The following PRKAG2 variants were observed in gnomAD, a reference collection of about 807,000 sequenced individuals.
PRKAG2 encodes the protein 5'-AMP-activated protein kinase subunit gamma-2.
Under a neutral mutation model 69.6 loss-of-function variants are expected in PRKAG2, and 26 were observed. The observed-to-expected ratio is 0.37, with a 90% confidence interval of 0.27 to 0.52. The LOEUF (loss-of-function observed/expected upper bound fraction) is 0.52. PRKAG2 is among the 20% of genes least tolerant of loss of function. The pLI is 0.90. For missense variants in PRKAG2, 557 were observed against 740.0 expected (o/e 0.75, Z 2.87); for synonymous variants, 293 against 285.0 (o/e 1.03, Z -0.28).
chr7:151,725,514 T>C (rs950038082), intron 3 of PRKAG2, among the ~76,000 whole-genome samples: 1 of 148,692 alleles, frequency 6.7e-6, no homozygotes, highest in Non-Finnish European at 1.5e-5. Context: ...CACCTAAAGA[T>C]GGGTACATTG....
At chr7:151,588,516 C>T (rs976361567) in intron 6 of PRKAG2, among the ~76,000 whole-genome samples, 3 of 149,508 alleles carry the variant, frequency 2.0e-5, no homozygotes, top group African/African-American at 7.4e-5. Flanking sequence ...GTACCCAACA[C>T]CAAGCCCAGC....
At chr7:151,647,278 C>T (rs1352201380) in intron 4 of PRKAG2, among the ~76,000 whole-genome samples, 1 of 152,186 alleles carries the variant, frequency 6.6e-6, no homozygotes, top group Non-Finnish European at 1.5e-5. Flanking sequence ...AATAGATGTC[C>T]TTATCCTTCA....
chr7:151,794,445 G>T (rs2077399066), intron 1 of PRKAG2, among the ~76,000 whole-genome samples: 1 of 152,264 alleles, frequency 6.6e-6, no homozygotes, highest in African/African-American at 2.4e-5. Flanking sequence ...TCACGGGCTG[G>T]TGGGAAACGA....
intron 1 of PRKAG2, among the ~76,000 whole-genome samples, chr7:151,801,492 C>A (rs145878551): frequency 3.9e-5 from 6 of 152,172 alleles, no homozygotes; most frequent in Admixed American, 3.3e-4. Context: ...AGGCACCAGG[C>A]AGCCTCAGAA....
intron 1 of PRKAG2, among the ~76,000 whole-genome samples, chr7:151,849,573 G>C (rs945204939): frequency 1.3e-5 from 2 of 152,162 alleles, no homozygotes; most frequent in South Asian, 4.1e-4. Flanking sequence ...TCAGAGTTCT[G>C]CAGGCCTGAA....
rs1201116008 is a variant in PRKAG2 at position 151,836,174 on chromosome 7, T to C, written c.114+40333A>G. Among the ~76,000 whole-genome samples the C allele has an allele frequency of 6.6e-6, 1 of 152,222 alleles. No homozygotes were observed. The highest frequency in any genetic ancestry group is 1.5e-5 in the Non-Finnish European group (1 of 68,034). On this transcript the variant is annotated intron_variant, in intron 1 of 15. Transcript: ENST00000287878. The surrounding 1 kb of genome is among the most constrained non-coding windows in gnomAD (Gnocchi z 4.1). Reference sequence around the variant, plus strand: ...CGTGTCTTTGGAGCATTCCTTCCCCTATAGCATGATTTCTCTTTTATGTTT... The same window carrying C: ...CGTGTCTTTGGAGCATTCCTTCCCCCATAGCATGATTTCTCTTTTATGTTT...
chr7:151,721,425 C>T (rs112223039), intron 3 of PRKAG2, among the ~76,000 whole-genome samples: 61 of 144,156 alleles, frequency 4.2e-4, no homozygotes, highest in Admixed American at 2.8e-3. Context: ...GCCAGCACAG[C>T]GCTATGGGGC....
At chr7:151,755,024 G>C (rs1443578984) in intron 3 of PRKAG2, among the ~76,000 whole-genome samples, 1 of 152,130 alleles carries the variant, frequency 6.6e-6, no homozygotes, top group Non-Finnish European at 1.5e-5. Context: ...GCCTGACAAA[G>C]GGGCGATGGA....
chr7:151,683,583 T>C (rs1834211372), intron 3 of PRKAG2, among the ~76,000 whole-genome samples: 1 of 152,160 alleles, frequency 6.6e-6, no homozygotes, highest in Non-Finnish European at 1.5e-5. Context: ...AAGAGCAACA[T>C]TTCCATTGAC....
intron 4 of PRKAG2, among the ~76,000 whole-genome samples, chr7:151,670,033 TGCATGCACACACACCTGTGCACATACCC>T (rs1453571038): frequency 1.7e-5 from 2 of 119,212 alleles, no homozygotes; most frequent in African/African-American, 3.2e-5. Context: ...CACACACACC[TGCATGCACACACACCTGTGCACATACCC>T]GCATGCACAC....
At chr7:151,651,693 T>C (rs1483228144) in intron 4 of PRKAG2, among the ~76,000 whole-genome samples, 1 of 152,230 alleles carries the variant, frequency 6.6e-6, no homozygotes, top group African/African-American at 2.4e-5. Flanking sequence ...AAAAGTTCAA[T>C]GATATGGTGT....
At chr7:151,682,441 G>T (rs1407111807) in intron 3 of PRKAG2, among the ~76,000 whole-genome samples, 1 of 152,090 alleles carries the variant, frequency 6.6e-6, no homozygotes, top group Non-Finnish European at 1.5e-5. Flanking sequence ...ATCTTACTAT[G>T]TTGCCCAGGC....
intron 5 of PRKAG2, among the ~76,000 whole-genome samples, chr7:151,617,090 T>G (rs552639417): frequency 6.6e-6 from 1 of 151,922 alleles, no homozygotes; most frequent in East Asian, 1.9e-4. Flanking sequence ...AGAAACCCTG[T>G]CTCTACTAAA....
chr7:151,848,776 C>T (rs967771186), intron 1 of PRKAG2, among the ~76,000 whole-genome samples: 3 of 152,106 alleles, frequency 2.0e-5, no homozygotes, highest in East Asian at 1.9e-4. Flanking sequence ...CTTCCTGCCT[C>T]GGCCTCCCAA....
Position 151,788,226 on chromosome 7 carries a change from A to G in PRKAG2, c.115-1685T>C, listed in dbSNP as rs2077108270. On this transcript the variant is annotated intron_variant, in intron 1 of 15. Coordinates refer to ENST00000287878, the MANE Select transcript of PRKAG2 (RefSeq NM_016203.4). This position sits in a 1 kb window ranked among gnomAD's most constrained non-coding sequence, Gnocchi z 4.6. The stretch of plus-strand genomic sequence containing the variant: ...TTTTACTTTCCCACCCACAGTACAC[A>G]GGGTTTCAATTTCTCCACATCCTCA... Among the ~76,000 whole-genome samples, 2 of 152,198 alleles carry G rather than the reference A, an allele frequency of 1.3e-5. No individual in the cohort carries two copies. Among genetic ancestry groups the G allele is most frequent in the Admixed American group, 1.3e-4 (2 of 15,282 alleles).
chr7:151,675,692 G>A (rs112936515), intron 3 of PRKAG2, 55 bp from the exon 4 acceptor site: 38 of 1,523,738 alleles, frequency 2.5e-5, no homozygotes, highest in African/African-American at 9.6e-5. Flanking sequence ...AAGGGACGTC[G>A]GGGGTGGTCA....
chr7:151,832,278 A>AGGAAGGGAGGAGGGAGGAGGGAG (rs1563737933), intron 1 of PRKAG2, among the ~76,000 whole-genome samples: 29 of 70,480 alleles, frequency 4.1e-4, no homozygotes, highest in African/African-American at 1.2e-3. Flanking sequence ...GGAGGAGGGA[A>AGGAAGGGAGGAGGGAGGAGGGAG]GGAAGGGAGG....
chr7:151,779,342 A>G (rs2076555995), intron 3 of PRKAG2, among the ~76,000 whole-genome samples: 1 of 152,166 alleles, frequency 6.6e-6, no homozygotes, highest in Admixed American at 6.5e-5. Flanking sequence ...TCCTGGTGCC[A>G]CTGCTGGGCT....
intron 1 of PRKAG2, chr7:151,810,478 G>C (rs1416736431): frequency 6.6e-6 from 1 of 152,266 alleles, no homozygotes; most frequent in Non-Finnish European, 1.5e-5. Flanking sequence ...GGAAAGCCAA[G>C]TTGGGGAAGA....
Sources: gnomAD v4.1 joint callset for allele counts (sites outside exome capture counted in the v4.1 genomes callset) on GRCh38, gnomAD v4.1.1 for gene constraint, Gnocchi (gnomAD v3.1) non-coding constraint, MANE v1.5 for transcripts, NCBI Gene and HGNC (gene_info 2026-07-23, HGNC 2026-07-21) for gene names.